The following CCDC137 variants were observed in gnomAD, a reference collection of about 807,000 sequenced individuals.
CCDC137 encodes coiled-coil domain-containing protein 137.
In CCDC137, 24 loss-of-function variants were observed where a neutral mutation model predicts 30.4. The ratio of observed to expected loss-of-function variants is 0.79; its 90% CI spans 0.57 to 1.11. The LOEUF (loss-of-function observed/expected upper bound fraction) is 1.11, where lower values mean the gene tolerates loss of function less well. Ranked by LOEUF, CCDC137 falls within the 50% of genes least tolerant of loss-of-function variation. The probability of loss-of-function intolerance (pLI) is 0.00; values close to 1 mark genes in which losing one functional copy is unlikely to be tolerated. For synonymous variants in CCDC137, 182 were observed against 155.7 expected, an observed-to-expected ratio of 1.17 and a Z score of -1.26; for missense variants, 417 against 380.4, an observed-to-expected ratio of 1.10 and a Z score of -0.80.
At chr17:81,670,124 T>C (rs1400290888) in intron 2 of CCDC137, 101 bp from the exon 3 acceptor site, 5 of 897,176 alleles carry the variant, frequency 5.6e-6, no homozygotes, top group Non-Finnish European at 6.8e-6. Context: ...CCAGCCAGCC[T>C]GGTCTTCCCT....
intron 5 of CCDC137, 66 bp from the exon 6 acceptor site, chr17:81,672,429 T>A (rs966906414): frequency 1.4e-6 from 2 of 1,444,294 alleles, no homozygotes; most frequent in African/African-American, 2.8e-5. Flanking sequence ...CTGTTGAAGC[T>A]GTGAGGCTTT....
At chr17:81,670,944 C>T (rs1036645603) in intron 3 of CCDC137, among the ~76,000 whole-genome samples, 2 of 151,750 alleles carry the variant, frequency 1.3e-5, no homozygotes, top group Non-Finnish European at 2.9e-5. Flanking sequence ...CTAGCCAACA[C>T]GGTGAAACCT....
chr17:81,667,833 C>G lies in CCDC137; in HGVS notation c.239C>G (p.Pro80Arg), dbSNP rs747134240. ...IMRSRQEMKN[P>R]ISNKKRKKAA... ...AGGAGCCGCCAAGAGATGAAAAACCCGATCAGTAACAAGAAGAGGAAGAAA... is the reference window on the plus strand; with the variant it reads ...AGGAGCCGCCAAGAGATGAAAAACCGGATCAGTAACAAGAAGAGGAAGAAA... The change falls in exon 2 of 6, where the codon CCG (proline) becomes CGG (arginine). Residue 80 changes from proline (P) to arginine (R), a missense_variant. By Grantham distance (103) the Pro-to-Arg change is moderately radical. Transcript: ENST00000329214. 3.7e-6 allele frequency: 6 copies of G among 1,611,854 alleles called. No homozygotes were observed. Among genetic ancestry groups the G allele is most frequent in the Admixed American group, 1.7e-5 (1 of 59,968 alleles).
At chr17:81,671,092 G>A (rs1473155510) in intron 3 of CCDC137, among the ~76,000 whole-genome samples, 1 of 150,680 alleles carries the variant, frequency 6.6e-6, no homozygotes, top group Non-Finnish European at 1.5e-5. Flanking sequence ...AGATCGTGCC[G>A]CTGCACTCCA....
At position 81,666,935 on chromosome 17, in the gene CCDC137, C is replaced by T. The variant is rs1049481571; in HGVS notation, c.134+35C>T. 14 of 1,247,112 alleles carry T rather than the reference C, an allele frequency of 1.1e-5. No individual in the cohort carries two copies. The African/African-American group carries it at 1.7e-4, about 15-fold the overall frequency. The allele number at this position is 1,247,112 out of a possible 1,614,324, so 77.3% of individuals were successfully genotyped here. ...CTGCCCCGCGAGGCCGCCACACTTC[C>T]CCAGAGAAGGGGACGCCTTGAAGGC... is the stretch of plus-strand genomic sequence containing the variant. On this transcript the variant is annotated intron_variant, in intron 1 of 5. Coordinates refer to ENST00000329214, the MANE Select transcript of CCDC137 (RefSeq NM_199287.3).
At chr17:81,672,302 G>A (rs2036728511) in intron 5 of CCDC137, 147 bp downstream of exon 5, 7 of 963,874 alleles carry the variant, frequency 7.3e-6, no homozygotes, top group African/African-American at 6.5e-5. Flanking sequence ...CCCAGGAGTT[G>A]ATACCAGCCT....
intron 1 of CCDC137, 127 bp from the exon 2 acceptor site, chr17:81,667,602 C>T (rs1173524237): frequency 2.9e-6 from 3 of 1,037,132 alleles, no homozygotes; most frequent in Non-Finnish European, 4.2e-6. Context: ...GCAGGGATTA[C>T]AGGCGTGAGC....
At position 81,671,779 on chromosome 17, in the gene CCDC137, A is replaced by T. The variant is rs1166770534; in HGVS notation, c.533A>T (p.Lys178Ile). ...QKRRLDKVRR[K>I]KEEKAADRLE... ...CGGCGACTAGATAAAGTCCGACGGA[A>T]AAAGGAGGAAAAGGCGGCAGACAGG... Residue 178 changes from lysine (K) to isoleucine (I), a missense_variant, in exon 4 of 6, where the codon AAA becomes ATA. Physicochemically the swap from Lys to Ile is moderately radical, Grantham distance 102. Transcript: ENST00000329214. 6.2e-7 allele frequency: 1 copy of T among 1,612,640 alleles called. No homozygotes were observed.
At chr17:81,671,926 G>A (rs2036723408) in intron 4 of CCDC137, 100 bp downstream of exon 4, 3 of 1,495,384 alleles carry the variant, frequency 2.0e-6, no homozygotes, top group South Asian at 1.1e-5. Context: ...GGCACCTGTG[G>A]TTTCCCCTGG....
intron 2 of CCDC137, among the ~76,000 whole-genome samples, chr17:81,668,139 A>G (rs1331489849): frequency 1.3e-5 from 2 of 152,128 alleles, no homozygotes; most frequent in African/African-American, 4.8e-5. Flanking sequence ...CCCCAAAAGT[A>G]GCGAAGATTC....
At chr17:81,669,105 G>A (rs2036686823) in intron 2 of CCDC137, among the ~76,000 whole-genome samples, 1 of 152,038 alleles carries the variant, frequency 6.6e-6, no homozygotes, top group Admixed American at 6.6e-5. Flanking sequence ...GGCCAGGCTG[G>A]TTTTGAACTC....
At chr17:81,672,178 T>C (rs755952019) in intron 5 of CCDC137, 23 bp downstream of exon 5, 9 of 1,607,386 alleles carry the variant, frequency 5.6e-6, no homozygotes, top group Non-Finnish European at 7.7e-6. Flanking sequence ...CGGGGACAAC[T>C]TGAGTTTGTC....
chr17:81,670,232 G>A lies in CCDC137; in HGVS notation c.276G>A (p.Val92=), dbSNP rs752501010. The change falls in exon 3 of 6, where the codon GTG becomes GTA. Residue 92 remains valine, a synonymous_variant. Coordinates refer to ENST00000329214, the MANE Select transcript of CCDC137 (RefSeq NM_199287.3). ...GCCTCCCTTTGTCCTCAGCCCAGGT[G>A]ACCTTCAGAAAGACATTGGAGAAGG... The part of the protein sequence containing the change: ...SNKKRKKAAQ[V]TFRKTLEKEA... 8 of 1,613,726 alleles carry A rather than the reference G, an allele frequency of 5.0e-6. No homozygotes were observed. The highest frequency in any genetic ancestry group is 6.8e-6 in the Non-Finnish European group (8 of 1,179,918).
At chr17:81,670,731 G>A (rs1245658341) in intron 3 of CCDC137, among the ~76,000 whole-genome samples, 3 of 152,196 alleles carry the variant, frequency 2.0e-5, no homozygotes, top group African/African-American at 7.2e-5. Context: ...CTAGCCCTGT[G>A]GGAATCAGCC....
At chr17:81,671,454 G>C in intron 3 of CCDC137, 1 of 416,186 alleles carries the variant, frequency 2.4e-6, no homozygotes, top group South Asian at 2.6e-5. Context: ...CAAGGTGCCA[G>C]TAGCCCTTGC....
intron 3 of CCDC137, 100 bp downstream of exon 3, chr17:81,670,553 T>C: frequency 2.0e-6 from 2 of 1,024,510 alleles, no homozygotes; most frequent in African/African-American, 1.6e-5. Flanking sequence ...TTCATAGCCA[T>C]GGGGCAGCCT....
In CCDC137 at chr17:81,670,376, C is replaced by G. The variant is rs1051835709; in HGVS notation, c.420C>G (p.Ser140Arg). 27 of 1,613,874 alleles carry G rather than the reference C, an allele frequency of 1.7e-5. No individual in the cohort carries two copies. The highest frequency in any genetic ancestry group is 2.2e-5 in the Non-Finnish European group (26 of 1,180,042). The change falls in exon 3 of 6, where the codon AGC (serine) becomes AGG (arginine). Residue 140 changes from serine to arginine, a missense_variant. Coordinates refer to ENST00000329214, the MANE Select transcript of CCDC137 (RefSeq NM_199287.3). The part of the protein sequence containing the change: ...QQEAQHVLFL[S>R]KNQAIRQPEV... ...AGGCCCAGCATGTGCTGTTCCTCAG[C>G]AAGAACCAGGCCATCCGGCAGCCAG...
rs2036737227 is a variant in CCDC137, at chr17:81,672,728, C to T, written c.*24C>T. The T allele has an allele frequency of 6.5e-7, 1 of 1,533,368 alleles. No individual in the cohort carries two copies. The highest frequency in any genetic ancestry group is 1.4e-5 in the African/African-American group (1 of 72,976). 95.0% of individuals were successfully genotyped at this position (1,533,368 alleles called of 1,614,324 possible). On this transcript the variant is annotated 3_prime_UTR_variant, in exon 6 of 6. Coordinates refer to ENST00000329214, the MANE Select transcript of CCDC137 (RefSeq NM_199287.3). ...GATGGAGAGACACCCGGGGCCTGGC[C>T]ACGCTCTGGGGCAACTGGCACCAGG...
rs144501718 is a variant in CCDC137, at chr17:81,671,067, G to C, written c.497+614G>C. Among the ~76,000 whole-genome samples, 852 of 152,040 alleles carry C rather than the reference G, an allele frequency of 5.6e-3. 10 individuals are homozygous for C. The highest frequency in any genetic ancestry group is 0.019 in the African/African-American group (798 of 41,436). On this transcript the variant is annotated intron_variant, in intron 3 of 5. Transcript: ENST00000329214. ...GAATCGCTTGAATCCGGGAGGCAGAGGTTGCAGTGAGCTGAGATCGTGCCG... is the reference window on the plus strand; with the variant it reads ...GAATCGCTTGAATCCGGGAGGCAGACGTTGCAGTGAGCTGAGATCGTGCCG...
Sources: gnomAD v4.1 joint callset for allele counts (sites outside exome capture counted in the v4.1 genomes callset) on GRCh38, gnomAD v4.1.1 for gene constraint, MANE v1.5 for transcripts, NCBI Gene and HGNC (gene_info 2026-07-23, HGNC 2026-07-21) for gene names.